ANO1: variants seen among roughly 807,000 people sequenced by gnomAD.
ANO1 encodes anoctamin-1.
Under a neutral mutation model 124.0 loss-of-function variants are expected in ANO1, and 59 were observed. The ratio of observed to expected loss-of-function variants is 0.48; its 90% confidence interval spans 0.39 to 0.59. The LOEUF is 0.59. Among genes scored for constraint, ANO1 ranks in the 20% least tolerant of loss-of-function variants. The pLI is 0.00. For synonymous variants in ANO1, 529 were observed against 532.0 expected, an observed-to-expected ratio of 0.99 and a Z score of 0.08; for missense variants, 1,059 against 1,328.0, an observed-to-expected ratio of 0.80 and a Z score of 3.15.
chr11:70,185,733 G>A (rs2049094565), intron 25 of ANO1, 38 bp downstream of exon 25: 1 of 1,597,802 alleles, frequency 6.3e-7, no homozygotes, highest in South Asian at 1.1e-5. Context: ...TTTGAAGATG[G>A]GAGCATTTAG....
chr11:70,017,459 T>C (rs1270456025), intron 1 of ANO1, among the ~76,000 whole-genome samples: 2 of 151,276 alleles, frequency 1.3e-5, no homozygotes, highest in East Asian at 3.9e-4. Context: ...CCTTCCTTCC[T>C]TCCTTCCCTC....
At chr11:69,994,498 A>T (rs1247819313) in intron 1 of ANO1, among the ~76,000 whole-genome samples, 2 of 152,004 alleles carry the variant, frequency 1.3e-5, no homozygotes, top group Non-Finnish European at 2.9e-5. Flanking sequence ...GAAGAGAGAG[A>T]TTTCTATATA....
chr11:70,170,773 C>T (rs1255823769), intron 21 of ANO1, 114 bp from the exon 22 acceptor site: 4 of 1,352,790 alleles, frequency 3.0e-6, no homozygotes, highest in South Asian at 1.4e-5. Flanking sequence ...CAGGTGGGCT[C>T]GTTGGAGGTG....
At chr11:70,178,484 G>A (rs56274131) in intron 22 of ANO1, among the ~76,000 whole-genome samples, 14,014 of 152,248 alleles carry the variant, frequency 0.092, 769 homozygotes, top group Middle Eastern at 0.2. Context: ...CCCATGGCCC[G>A]AGGACTGGAG....
In ANO1 at chr11:70,069,906, G is replaced by A. The variant is rs191719690; in HGVS notation, c.59-8636G>A. ...TCGGGTCCATTTTTAACCCTTTGGG[G>A]ATGAGTTGTCGTATGTGTATGCATG... On this transcript the variant is annotated intron_variant, in intron 1 of 27. Transcript: ENST00000531349. Among the ~76,000 whole-genome samples the A allele has an allele frequency of 2.6e-5, 4 of 152,246 alleles. 1 individual carries two copies. Among genetic ancestry groups the A allele is most frequent in the African/African-American group, 9.6e-5 (4 of 41,562 alleles).
intron 21 of ANO1, chr11:70,170,248 G>A (rs147915582): frequency 4.5e-6 from 2 of 444,128 alleles, no homozygotes; most frequent in African/African-American, 4.0e-5. Context: ...ATGGGCAGGG[G>A]GATGACCACA....
chr11:70,146,849 C>T (rs2047396735), intron 11 of ANO1, among the ~76,000 whole-genome samples: 1 of 152,132 alleles, frequency 6.6e-6, no homozygotes, highest in African/African-American at 2.4e-5. Context: ...AAGATGAAGG[C>T]CGGAAGACTC....
intron 1 of ANO1, among the ~76,000 whole-genome samples, chr11:69,999,759 T>A (rs1856346672): frequency 6.6e-6 from 1 of 152,212 alleles, no homozygotes; most frequent in Admixed American, 6.5e-5. Flanking sequence ...ACTGCAGCTT[T>A]TCTTTCTGCT....
At chr11:69,970,284 G>A in the ANO1 span, among the ~76,000 whole-genome samples, 3 of 152,164 alleles carry the variant, frequency 2.0e-5, no homozygotes, top group African/African-American at 7.2e-5. Context: ...AGAGAGCCCA[G>A]GCACTGTGCT....
At chr11:70,127,335 G>A (rs1045304681) in intron 10 of ANO1, among the ~76,000 whole-genome samples, 1 of 152,184 alleles carries the variant, frequency 6.6e-6, no homozygotes, top group Non-Finnish European at 1.5e-5. Context: ...TATCTGCACG[G>A]CCCCGAGAAA....
Position 70,171,030 on chromosome 11 carries a change from A to AAAGACATC in ANO1, c.2342_2349dup (p.Gly784LysfsTer24), listed in dbSNP as rs760334812. On this transcript the variant is annotated frameshift_variant, in exon 22 of 26. Coordinates refer to ENST00000355303, the MANE Select transcript of ANO1 (RefSeq NM_018043.7). LOFTEE classifies it high-confidence loss of function. ...CCGAAGGCCGGTAGCTGTCAGAGCC[A>AAAGACATC]AAGACATCGGTGAGTGACCCCACGG... The AAAGACATC allele has an allele frequency of 1.2e-6, 2 of 1,612,002 alleles. No individual in the cohort carries two copies. Among genetic ancestry groups the AAAGACATC allele is most frequent in the Non-Finnish European group, 1.7e-6 (2 of 1,179,168 alleles).
At chr11:70,073,565 C>CA (rs1199893087), upstream of ANO1, among the ~76,000 whole-genome samples, 9 of 152,050 alleles carry the variant, frequency 5.9e-5, no homozygotes, top group East Asian at 1.9e-4. Context: ...AAATGAAGCC[C>CA]AAAAAACTGA....
chr11:70,095,789 C>T (rs376391660), intron 2 of ANO1, among the ~76,000 whole-genome samples: 4 of 152,256 alleles, frequency 2.6e-5, no homozygotes, highest in East Asian at 3.8e-4. Flanking sequence ...CATCTTCTTG[C>T]ACCAGCCCCA....
At chr11:69,993,136 C>A (rs1856188233) in intron 1 of ANO1, among the ~76,000 whole-genome samples, 1 of 152,168 alleles carries the variant, frequency 6.6e-6, no homozygotes, top group Non-Finnish European at 1.5e-5. Context: ...CCCAATGGGG[C>A]CAGCCACCCC....
intron 1 of ANO1, among the ~76,000 whole-genome samples, chr11:70,009,812 G>T (rs1555000721): frequency 6.6e-6 from 1 of 152,030 alleles, no homozygotes; most frequent in Non-Finnish European, 1.5e-5. Context: ...GGAACAGGTG[G>T]TGTTTGGTTA....
chr11:69,989,007 C>CGGAG (rs1290036697), intron 1 of ANO1, among the ~76,000 whole-genome samples: 7 of 142,910 alleles, frequency 4.9e-5, no homozygotes, highest in Middle Eastern at 3.3e-3. Flanking sequence ...TAGGGAGGGA[C>CGGAG]GGAGGGAGGG....
At chr11:70,112,263 T>C (rs1187657732) in intron 7 of ANO1, among the ~76,000 whole-genome samples, 1 of 152,218 alleles carries the variant, frequency 6.6e-6, no homozygotes. Flanking sequence ...GTTGTCTCTA[T>C]GGAAACAGGG....
chr11:70,114,857 T>C (rs938449925), intron 7 of ANO1, among the ~76,000 whole-genome samples: 9 of 152,158 alleles, frequency 5.9e-5, no homozygotes, highest in African/African-American at 1.7e-4. Context: ...GAGTTGTGTG[T>C]GGGTAAGAGT....
intron 1 of ANO1, among the ~76,000 whole-genome samples, chr11:69,988,902 G>A (rs904700816): frequency 2.0e-5 from 3 of 151,804 alleles, no homozygotes; most frequent in Admixed American, 6.6e-5. Context: ...ACCAAGTGAA[G>A]GAGGGAGGGA....
Sources: gnomAD v4.1 joint callset for allele counts (sites outside exome capture counted in the v4.1 genomes callset) on GRCh38, gnomAD v4.1.1 for gene constraint, MANE v1.5 for transcripts, NCBI Gene and HGNC (gene_info 2026-07-23, HGNC 2026-07-21) for gene names.